The following DKK2 variants were observed in gnomAD, a reference collection of about 807,000 sequenced individuals.
The protein encoded by DKK2 is dickkopf Wnt signaling pathway inhibitor 2.
A neutral mutation model predicts 28.1 loss-of-function variants in DKK2; 11 were observed. The ratio of observed to expected loss-of-function variants is 0.39; its 90% CI spans 0.25 to 0.65. The LOEUF is 0.65. Among genes scored for constraint, DKK2 ranks in the 30% least tolerant of loss-of-function variants. The pLI, the probability that DKK2 is intolerant of heterozygous loss-of-function variation, is 0.47. For missense variants in DKK2, 326 were observed against 335.5 expected (o/e 0.97, Z 0.22); for synonymous variants, 135 against 126.5 (o/e 1.07, Z -0.45).
chr4:106,935,528 G>A (rs748321964), intron 1 of DKK2, among the ~76,000 whole-genome samples: 117 of 152,330 alleles, frequency 7.7e-4, no homozygotes, highest in Non-Finnish European at 1.4e-3. Flanking sequence ...AGGCGGCAGC[G>A]AGGCTGGGTG....
chr4:106,991,607 C>A (rs1723204909), intron 1 of DKK2, among the ~76,000 whole-genome samples: 1 of 152,154 alleles, frequency 6.6e-6, no homozygotes, highest in African/African-American at 2.4e-5. Context: ...ATCCATGCAG[C>A]CAGATCAACT....
In DKK2 at chr4:106,927,080, T is replaced by C. The variant is rs1335254223; in HGVS notation, c.223-1131A>G. ...ATTTTTTAATTGAAAATACAAAATA[T>C]AAAATAAGCTATGTATTTGTTTTTA... On this transcript the variant is annotated intron_variant, in intron 1 of 3. Transcript: ENST00000285311. Among the ~76,000 whole-genome samples, 4 of 152,204 alleles carry C rather than the reference T, an allele frequency of 2.6e-5. No individual in the cohort carries two copies. The East Asian group carries it at 5.8e-4, about 22-fold the overall frequency.
intron 1 of DKK2, among the ~76,000 whole-genome samples, chr4:107,014,551 G>A (rs894234991): frequency 4.6e-5 from 7 of 151,246 alleles, no homozygotes; most frequent in Non-Finnish European, 7.4e-5. Flanking sequence ...CAGTTAGATA[G>A]GAAGAATATG....
intron 1 of DKK2, among the ~76,000 whole-genome samples, chr4:106,987,376 T>C (rs550404774): frequency 6.6e-6 from 1 of 152,208 alleles, no homozygotes; most frequent in Non-Finnish European, 1.5e-5. Context: ...ATAATAATTA[T>C]ATAAGTCAGG....
intron 1 of DKK2, among the ~76,000 whole-genome samples, chr4:107,034,800 AAT>A (rs1269928446): frequency 6.6e-6 from 1 of 152,158 alleles, no homozygotes. Flanking sequence ...CAGATTGTAA[AAT>A]ATAATGGTTA....
At chr4:106,995,154 C>T (rs1196677393) in intron 1 of DKK2, among the ~76,000 whole-genome samples, 3 of 151,936 alleles carry the variant, frequency 2.0e-5, no homozygotes, top group Non-Finnish European at 4.4e-5. Flanking sequence ...AGTAATATTT[C>T]TAACATCATT....
At chr4:107,020,560 A>T (rs1015005512) in intron 1 of DKK2, among the ~76,000 whole-genome samples, 6 of 152,128 alleles carry the variant, frequency 3.9e-5, no homozygotes, top group South Asian at 2.1e-4. Flanking sequence ...TTAAAAAATA[A>T]CTTTTTAAAA....
intron 1 of DKK2, among the ~76,000 whole-genome samples, chr4:106,988,871 C>T (rs1723163671): frequency 6.6e-6 from 1 of 152,130 alleles, no homozygotes; most frequent in South Asian, 2.1e-4. Flanking sequence ...CTGTTTTCAT[C>T]CTTTTTCAGC....
At chr4:106,926,986 G>A (rs1213241847) in intron 1 of DKK2, among the ~76,000 whole-genome samples, 1 of 152,138 alleles carries the variant, frequency 6.6e-6, no homozygotes, top group East Asian at 1.9e-4. Context: ...TTGAGGCAGG[G>A]AGACTCATTT....
chr4:106,972,704 T>C (rs1304358358), intron 1 of DKK2, among the ~76,000 whole-genome samples: 1 of 152,114 alleles, frequency 6.6e-6, no homozygotes, highest in Non-Finnish European at 1.5e-5. Flanking sequence ...TACCAATGTA[T>C]GAGAAGCTAT....
At chr4:106,974,957 G>A (rs1171953219) in intron 1 of DKK2, among the ~76,000 whole-genome samples, 1 of 152,178 alleles carries the variant, frequency 6.6e-6, no homozygotes, top group Non-Finnish European at 1.5e-5. Context: ...ATAAAGGGGT[G>A]TTGAATTTTA....
chr4:107,012,954 A>G (rs1212264631), intron 1 of DKK2, among the ~76,000 whole-genome samples: 1 of 150,742 alleles, frequency 6.6e-6, no homozygotes, highest in Non-Finnish European at 1.5e-5. Context: ...TATTTTATAA[A>G]TGCAAAATAT....
intron 1 of DKK2, among the ~76,000 whole-genome samples, chr4:106,937,145 T>G (rs1724602555): frequency 6.6e-6 from 1 of 150,388 alleles, no homozygotes; most frequent in Non-Finnish European, 1.5e-5. Context: ...ATGGACTAAA[T>G]GCTCCAATTA....
At chr4:107,014,380 C>T (rs996475503) in intron 1 of DKK2, among the ~76,000 whole-genome samples, 1 of 151,186 alleles carries the variant, frequency 6.6e-6, no homozygotes, top group Non-Finnish European at 1.5e-5. Flanking sequence ...GTATAATAAG[C>T]CATGAAAAGA....
intron 1 of DKK2, among the ~76,000 whole-genome samples, chr4:106,939,205 A>G (rs1560575942): frequency 6.6e-6 from 1 of 152,216 alleles, no homozygotes; most frequent in Admixed American, 6.5e-5. Flanking sequence ...CTGTATATCT[A>G]GAAAACCCCA....
chr4:106,962,544 TGTGTGTGTGA>T (rs1394523660), intron 1 of DKK2, among the ~76,000 whole-genome samples: 9 of 126,460 alleles, frequency 7.1e-5, no homozygotes, highest in South Asian at 2.6e-4. Flanking sequence ...TGTGTGTGTG[TGTGTGTGTGA>T]ATGCAGAAGA....
chr4:106,995,175 A>G (rs1428539765), intron 1 of DKK2, among the ~76,000 whole-genome samples: 1 of 152,122 alleles, frequency 6.6e-6, no homozygotes, highest in Non-Finnish European at 1.5e-5. Context: ...TTCTAAGGCA[A>G]CTTCTTTGAG....
intron 1 of DKK2, among the ~76,000 whole-genome samples, chr4:106,939,803 T>G (rs1195711344): frequency 6.6e-6 from 1 of 152,008 alleles, no homozygotes; most frequent in Non-Finnish European, 1.5e-5. Context: ...GAAATAATGC[T>G]GCATATCTAC....
chr4:106,948,961 A>C (rs765029215), intron 1 of DKK2, among the ~76,000 whole-genome samples: 2 of 152,174 alleles, frequency 1.3e-5, no homozygotes, highest in African/African-American at 2.4e-5. Context: ...AGTGCCTGGG[A>C]CTTTTGCTTC....
Sources: allele counts gnomAD v4.1 joint callset (sites outside exome capture counted in the v4.1 genomes callset), GRCh38; gene constraint gnomAD v4.1.1; transcripts MANE v1.5; gene names NCBI Gene and HGNC (gene_info 2026-07-23, HGNC 2026-07-21).